KLHDC4: variants seen among roughly 807,000 people sequenced by gnomAD.
KLHDC4 encodes the protein kelch domain containing 4, also known as kelch domain-containing protein 4.
In KLHDC4, 90 loss-of-function variants were observed where a neutral mutation model predicts 62.4. The ratio of observed to expected loss-of-function variants is 1.44; its 90% CI spans 1.22 to 1.72. KLHDC4 has a LOEUF of 1.72. Among genes scored for constraint, KLHDC4 ranks in the 40% most tolerant of loss-of-function variants. KLHDC4 has a pLI of 0.00. For missense variants in KLHDC4, 1,025 were observed against 699.7 expected (o/e 1.47, Z -5.25); for synonymous variants, 386 against 284.4 (o/e 1.36, Z -3.59).
At chr16:87,702,037 G>C in exon 1 of KLHDC4, 1 of 456,274 alleles carries the variant, frequency 2.2e-6, no homozygotes. Context: ...CTAACGCCGG[G>C]TCTGGTCCCT....
rs1434167634 is a variant in KLHDC4 at position 87,714,554 on chromosome 16, T to C, written c.779A>G (p.Asp260Gly). ...YSKQRVKKDVDKGTRHSDMFL... is the reference protein window; with the variant it reads ...YSKQRVKKDVGKGTRHSDMFL... ...CATGTCTGAGTGCCGTGTGCCCTTG[T>C]CCACGTCTTTCTTAACTCTCTGCAA... Residue 260 changes from aspartate to glycine, a missense_variant, in exon 8 of 12, where the codon GAC becomes GGC. Coordinates refer to ENST00000270583, the MANE Select transcript of KLHDC4 (RefSeq NM_017566.4). 6.8e-6 allele frequency: 11 copies of C among 1,614,178 alleles called. No individual in the cohort carries two copies. The highest frequency in any genetic ancestry group is 9.3e-6 in the Non-Finnish European group (11 of 1,180,030).
intron 7 of KLHDC4, among the ~76,000 whole-genome samples, chr16:87,716,017 A>G (rs2036893740): frequency 6.6e-6 from 1 of 152,120 alleles, no homozygotes; most frequent in African/African-American, 2.4e-5. Context: ...TCTTGTGGAT[A>G]TTTATGCAGA....
chr16:87,726,730 C>T (rs753855440), intron 7 of KLHDC4, 35 bp downstream of exon 7: 2 of 1,497,162 alleles, frequency 1.3e-6, no homozygotes, highest in Non-Finnish European at 1.8e-6. Context: ...TTTCCCGGTC[C>T]CACGCCTTGC....
intron 7 of KLHDC4, among the ~76,000 whole-genome samples, chr16:87,717,252 C>G (rs1272811442): frequency 6.6e-6 from 1 of 152,136 alleles, no homozygotes; most frequent in Non-Finnish European, 1.5e-5. Context: ...TTAAAGAGAC[C>G]AAGATTTGGG....
Position 87,729,961 on chromosome 16 carries a change from A to T in KLHDC4, c.599+591T>A, listed in dbSNP as rs370572964. On this transcript the variant is annotated intron_variant, in intron 6 of 11. Coordinates refer to ENST00000270583, the MANE Select transcript of KLHDC4 (RefSeq NM_017566.4). ...AGAATCCCATTTTATTTTTTTATTT[A>T]TTTATTTTTTCAAACGAAGTCTCGC... Among the ~76,000 whole-genome samples, 101 of 152,058 alleles carry T rather than the reference A, an allele frequency of 6.6e-4. 1 individual carries two copies. The Middle Eastern group carries it at 0.027, about 41-fold the overall frequency.
downstream of KLHDC4, chr16:87,703,337 C>G (rs2034264515): frequency 6.6e-6 from 1 of 151,660 alleles, no homozygotes; most frequent in Admixed American, 6.6e-5. Context: ...ATGTCTCCCC[C>G]AGCCCTGAGT....
downstream of KLHDC4, among the ~76,000 whole-genome samples, chr16:87,706,821 C>G (rs976200603): frequency 6.6e-6 from 1 of 152,174 alleles, no homozygotes; most frequent in South Asian, 2.1e-4. Flanking sequence ...CCAAGGTGAC[C>G]TGGGTTTTCC....
intron 5 of KLHDC4, among the ~76,000 whole-genome samples, chr16:87,733,129 A>C (rs189980394): frequency 6.6e-6 from 1 of 151,584 alleles, no homozygotes; most frequent in South Asian, 2.1e-4. Context: ...ATCGGTGAAA[A>C]GGCAGGTGCA....
intron 5 of KLHDC4, among the ~76,000 whole-genome samples, chr16:87,742,570 TG>T (rs1168432481): frequency 1.3e-5 from 2 of 152,180 alleles, no homozygotes; most frequent in Non-Finnish European, 2.9e-5. Context: ...GGTCCACAGC[TG>T]TCAGGATAGG....
rs569951244 is a variant in KLHDC4 at position 87,746,361 on chromosome 16, G to T, written c.506+2312C>A. ...AAAGACAAGACCACAAAGAGAGAAAGAGAGAGAGAGCGAGAAAGAGAGAAA... is the reference window on the plus strand; with the variant it reads ...AAAGACAAGACCACAAAGAGAGAAATAGAGAGAGAGCGAGAAAGAGAGAAA... On this transcript the variant is annotated intron_variant, in intron 5 of 11. Transcript: ENST00000270583. 2.0e-4 allele frequency among the ~76,000 whole-genome samples: 31 copies of T among 151,954 alleles called. No homozygotes were observed. In the South Asian group the frequency reaches 6.3e-3, roughly 31 times the overall value.
intron 4 of KLHDC4, chr16:87,750,826 C>G (rs1277567770): frequency 1.3e-5 from 2 of 152,292 alleles, no homozygotes; most frequent in Non-Finnish European, 2.9e-5. Flanking sequence ...TCCACCCCAC[C>G]CACTTCCAGT....
chr16:87,759,619 G>A (rs1412137954), intron 2 of KLHDC4, among the ~76,000 whole-genome samples: 2 of 151,744 alleles, frequency 1.3e-5, no homozygotes, highest in African/African-American at 2.4e-5. Context: ...GGTGGTGCAT[G>A]CCTATTGTCC....
intron 7 of KLHDC4, among the ~76,000 whole-genome samples, chr16:87,714,866 G>A (rs1331981288): frequency 6.6e-6 from 1 of 152,210 alleles, no homozygotes; most frequent in Non-Finnish European, 1.5e-5. Flanking sequence ...GGTCTGTGTG[G>A]AAACCACCAC....
chr16:87,765,386 C>G (rs1285892970), intron 1 of KLHDC4: 3 of 471,906 alleles, frequency 6.4e-6, no homozygotes, highest in Non-Finnish European at 1.3e-5. Context: ...AGTCTTACTC[C>G]CAGACCACAC....
At chr16:87,704,570 G>A (rs1389273092), downstream of KLHDC4, among the ~76,000 whole-genome samples, 2 of 149,558 alleles carry the variant, frequency 1.3e-5, no homozygotes, top group Non-Finnish European at 3.0e-5. Context: ...GGAGGCGCCT[G>A]GGGAGGGTCC....
intron 5 of KLHDC4, among the ~76,000 whole-genome samples, chr16:87,745,360 C>T (rs1295015580): frequency 6.6e-6 from 1 of 152,168 alleles, no homozygotes; most frequent in South Asian, 2.1e-4. Flanking sequence ...GCAGCACCCG[C>T]CCCAGGGCCC....
chr16:87,732,446 C>T (rs961078309), intron 5 of KLHDC4, among the ~76,000 whole-genome samples: 2 of 152,038 alleles, frequency 1.3e-5, no homozygotes, highest in Admixed American at 6.6e-5. Flanking sequence ...AAAAGGCATG[C>T]ATTTTATTGA....
At chr16:87,765,212 G>T (rs776164294) in intron 1 of KLHDC4, 14 of 456,020 alleles carry the variant, frequency 3.1e-5, no homozygotes, top group South Asian at 2.2e-4. Context: ...CCGGGCTGAG[G>T]ACCAGAGGGA....
chr16:87,744,686 C>G (rs1459124369), intron 5 of KLHDC4, among the ~76,000 whole-genome samples: 1 of 151,992 alleles, frequency 6.6e-6, no homozygotes, highest in Admixed American at 6.5e-5. Context: ...ATCCTCCAAC[C>G]TATCAAAATA....
Sources: allele counts gnomAD v4.1 joint callset (sites outside exome capture counted in the v4.1 genomes callset), GRCh38; gene constraint gnomAD v4.1.1; transcripts MANE v1.5; gene names NCBI Gene and HGNC (gene_info 2026-07-23, HGNC 2026-07-21).